The following ZNF331 variants were observed in gnomAD, a reference collection of about 807,000 sequenced individuals.
ZNF331 encodes the protein C2H2-like zinc finger protein rearranged in thyroid adenomas.
A neutral mutation model predicts 7.0 loss-of-function variants in ZNF331; 2 were observed. That is an observed-to-expected ratio of 0.29 (90% CI 0.12 to 0.90). The LOEUF (loss-of-function observed/expected upper bound fraction) is 0.90, where lower values mean the gene tolerates loss of function less well. Ranked by LOEUF, ZNF331 falls within the 40% of genes least tolerant of loss-of-function variation. ZNF331 has a pLI of 0.58. For synonymous variants in ZNF331, 196 were observed against 205.4 expected, an observed-to-expected ratio of 0.95 and a Z score of 0.39; for missense variants, 432 against 587.7, an observed-to-expected ratio of 0.74 and a Z score of 2.74.
chr19:53,505,655 C>T, the ZNF331 span, among the ~76,000 whole-genome samples: 6 of 152,228 alleles, frequency 3.9e-5, no homozygotes, highest in African/African-American at 1.4e-4. Context: ...AGCTTCTGGC[C>T]CTGAATAGTC....
At chr19:53,526,651 C>G (rs1166578256) in intron 2 of ZNF331, among the ~76,000 whole-genome samples, 5 of 151,682 alleles carry the variant, frequency 3.3e-5, no homozygotes, top group Middle Eastern at 3.4e-3. Flanking sequence ...CTCCCAGGTT[C>G]ACGCCATTCT....
Position 53,579,329 on chromosome 19 carries a change from C to A in ZNF331, c.*1377C>A. 4.5e-6 allele frequency: 1 copy of A among 223,380 alleles called. No homozygotes were observed. The highest frequency in any genetic ancestry group is 5.7e-5 in the Admixed American group (1 of 17,400). 13.8% of individuals were successfully genotyped at this position (223,380 alleles called of 1,614,324 possible). On this transcript the variant is annotated 3_prime_UTR_variant, in exon 6 of 6. Coordinates refer to ENST00000449416, the MANE Select transcript of ZNF331 (RefSeq NM_001079906.2). Reference sequence around the variant, plus strand: ...GTGAGAAAGCCTTTGGTCATGCCACCCACTCTACCAGTTGTCCCCACCATC... The same window carrying A: ...GTGAGAAAGCCTTTGGTCATGCCACACACTCTACCAGTTGTCCCCACCATC...
intron 3 of ZNF331, among the ~76,000 whole-genome samples, chr19:53,564,059 C>G (rs1568524574): frequency 1.5e-5 from 2 of 130,402 alleles, no homozygotes; most frequent in African/African-American, 5.7e-5. Flanking sequence ...AAAAAAAGAG[C>G]ACAGAGCCTG....
upstream of ZNF331, among the ~76,000 whole-genome samples, chr19:53,516,076 C>T (rs2086896529): frequency 6.6e-6 from 1 of 152,152 alleles, no homozygotes; most frequent in Non-Finnish European, 1.5e-5. Context: ...TTCATTTCTT[C>T]ATTTCTGGGG....
chr19:53,518,711 G>A (rs189364486), upstream of ZNF331, among the ~76,000 whole-genome samples: 2 of 152,328 alleles, frequency 1.3e-5, no homozygotes, highest in Admixed American at 1.3e-4. Flanking sequence ...AACATCAAGA[G>A]AAAAGAGATA....
chr19:53,562,859 A>G (rs1010961281), intron 3 of ZNF331, among the ~76,000 whole-genome samples: 3 of 150,984 alleles, frequency 2.0e-5, no homozygotes, highest in Non-Finnish European at 4.4e-5. Flanking sequence ...ATGGTGACGC[A>G]TGCCTGTAAT....
intron 5 of ZNF331, among the ~76,000 whole-genome samples, chr19:53,575,366 G>A (rs1200493544): frequency 6.6e-6 from 1 of 151,990 alleles, no homozygotes; most frequent in Non-Finnish European, 1.5e-5. Context: ...TTTGCAGTTA[G>A]CCTCCTTATT....
rs541829578 is a variant in ZNF331 at position 53,556,105 on chromosome 19, T to A, written c.-74+197T>A. Among the ~76,000 whole-genome samples the A allele has an allele frequency of 1.7e-3, 250 of 150,166 alleles. 1 individual carries two copies. Among genetic ancestry groups the A allele is most frequent in the African/African-American group, 5.8e-3 (236 of 40,824 alleles). On this transcript the variant is annotated intron_variant, in intron 3 of 5. Transcript: ENST00000449416. ...TAAAAATACAAAAATTAGCCGGGAG[T>A]GGTGGTGGGCGCCTGTAGTCCCAGC...
chr19:53,515,281 C>T (rs1252366299), upstream of ZNF331, among the ~76,000 whole-genome samples: 1 of 152,172 alleles, frequency 6.6e-6, no homozygotes, highest in Admixed American at 6.5e-5. Flanking sequence ...CACAAGAAAC[C>T]AAGTCTCCTC....
the ZNF331 span, among the ~76,000 whole-genome samples, chr19:53,514,486 C>T: frequency 1.3e-5 from 2 of 152,154 alleles, no homozygotes; most frequent in African/African-American, 2.4e-5. Context: ...CAGGCGTGAG[C>T]CACCGCGCCT....
intron 2 of ZNF331, among the ~76,000 whole-genome samples, chr19:53,552,789 G>A (rs1447340709): frequency 1.3e-5 from 2 of 152,130 alleles, no homozygotes; most frequent in Non-Finnish European, 2.9e-5. Context: ...CAGGATCAGT[G>A]TAATGTTACT....
chr19:53,546,156 A>T (rs1329589514), intron 2 of ZNF331, among the ~76,000 whole-genome samples: 2 of 148,438 alleles, frequency 1.3e-5, no homozygotes, highest in African/African-American at 5.2e-5. Context: ...AAAAAAAAAA[A>T]AAAAATTATT....
At position 53,525,547 on chromosome 19, in the gene ZNF331, GCTCT is replaced by G. The variant is rs553539577; in HGVS notation, c.-205+2866_-205+2869del. ...TGAATGGGAGTTCACTCATGATTTGGCTCTCTGTTTGTCTGTTATTGGTGTATAG... is the reference window on the plus strand; with the variant it reads ...TGAATGGGAGTTCACTCATGATTTGGCTGTTTGTCTGTTATTGGTGTATAG... On this transcript the variant is annotated intron_variant, in intron 2 of 6. Transcript: ENST00000253144. 9.3e-3 allele frequency among the ~76,000 whole-genome samples: 1,409 copies of G among 152,140 alleles called. 24 individuals are homozygous for G. Among genetic ancestry groups the G allele is most frequent in the African/African-American group, 0.032 (1,315 of 41,498 alleles).
At chr19:53,550,812 C>T (rs549656406) in intron 2 of ZNF331, among the ~76,000 whole-genome samples, 2 of 150,774 alleles carry the variant, frequency 1.3e-5, no homozygotes, top group Non-Finnish European at 2.9e-5. Context: ...GCTAAGATTA[C>T]AGGCGTGAGC....
intron 3 of ZNF331, among the ~76,000 whole-genome samples, chr19:53,565,186 T>C (rs917091878): frequency 3.9e-5 from 6 of 152,194 alleles, no homozygotes; most frequent in African/African-American, 1.4e-4. Context: ...AGGCAGCCTG[T>C]GGTCAAGGCC....
At chr19:53,524,000 G>A (rs1285393140) in intron 2 of ZNF331, among the ~76,000 whole-genome samples, 7 of 152,298 alleles carry the variant, frequency 4.6e-5, no homozygotes, top group South Asian at 4.1e-4. Flanking sequence ...ACCTATGAGT[G>A]AGAACATGCG....
At chr19:53,504,157 T>C in the ZNF331 span, 1 of 348,656 alleles carries the variant, frequency 2.9e-6, no homozygotes, top group Non-Finnish European at 5.6e-6. Context: ...TTGGCTCTTT[T>C]GAATAATCCC....
chr19:53,578,576 G>A lies in ZNF331; in HGVS notation c.*624G>A, dbSNP rs957303676. On this transcript the variant is annotated 3_prime_UTR_variant, in exon 6 of 6. Coordinates refer to ENST00000449416, the MANE Select transcript of ZNF331 (RefSeq NM_001079906.2). Reference sequence around the variant, plus strand: ...ATTAAACTTTAGATATGTATGTACAGGAAAAAATGTAGTATATAGTATCGT... The same window carrying A: ...ATTAAACTTTAGATATGTATGTACAAGAAAAAATGTAGTATATAGTATCGT... 8 of 210,868 alleles carry A rather than the reference G, an allele frequency of 3.8e-5. No homozygotes were observed. Among genetic ancestry groups the A allele is most frequent in the African/African-American group, 1.6e-4 (7 of 43,960 alleles). The allele number at this position is 210,868 out of a possible 1,614,324, so 13.1% of individuals were successfully genotyped here. A position where few individuals can be genotyped will look rare whatever the true frequency, so the allele number is the denominator to read the frequency against.
Position 53,578,077 on chromosome 19 carries a change from T to G in ZNF331, c.*125T>G. The G allele has an allele frequency of 8.2e-7, 1 of 1,219,446 alleles. No homozygotes were observed. The highest frequency in any genetic ancestry group is 1.1e-6 in the Non-Finnish European group (1 of 900,918). 75.5% of individuals were successfully genotyped at this position (1,219,446 alleles called of 1,614,324 possible). On this transcript the variant is annotated 3_prime_UTR_variant, in exon 6 of 6. Transcript: ENST00000449416. ...TTCCAGAAATAAAGAATTTTAAGTC[T>G]CAAATGGTGTGCCCTTCTGAGTAGC...
Sources: allele counts gnomAD v4.1 joint callset (sites outside exome capture counted in the v4.1 genomes callset), GRCh38; gene constraint gnomAD v4.1.1; transcripts MANE v1.5; gene names NCBI Gene and HGNC (gene_info 2026-07-23, HGNC 2026-07-21).